The following MYOM2 variants were observed in gnomAD, a reference collection of about 807,000 sequenced individuals.
MYOM2 encodes myomesin-2.
In MYOM2, 254 loss-of-function variants were observed where a neutral mutation model predicts 187.6. The observed-to-expected ratio is 1.35, with a 90% CI of 1.22 to 1.50. The LOEUF (loss-of-function observed/expected upper bound fraction) is 1.50, where lower values mean the gene tolerates loss of function less well. MYOM2 is among the 40% of genes most tolerant of loss of function. The probability of loss-of-function intolerance (pLI) is 0.00; values close to 1 mark genes in which losing one functional copy is unlikely to be tolerated. For synonymous variants in MYOM2, 981 were observed against 753.8 expected, an observed-to-expected ratio of 1.30 and a Z score of -4.94; for missense variants, 2,796 against 1,924.0, an observed-to-expected ratio of 1.45 and a Z score of -8.48.
At chr8:2,059,275 G>A (rs1427628916) in intron 6 of MYOM2, 30 bp downstream of exon 6, 2 of 1,581,686 alleles carry the variant, frequency 1.3e-6, no homozygotes, top group Non-Finnish European at 1.7e-6. Context: ...TCTGGACGCT[G>A]GCGTCCAGTA....
At chr8:2,061,191 G>C (rs201732439) in intron 6 of MYOM2, among the ~76,000 whole-genome samples, 9 of 151,570 alleles carry the variant, frequency 5.9e-5, no homozygotes, top group African/African-American at 2.4e-5. Context: ...TGAGGGAGGG[G>C]GTCTCTGTCC....
chr8:2,130,202 C>T (rs375657262), intron 32 of MYOM2, among the ~76,000 whole-genome samples: 8,746 of 138,998 alleles, frequency 0.063, 859 homozygotes, highest in East Asian at 0.13. Context: ...CACACCCCGC[C>T]TTTAGTTAAC....
At chr8:2,087,639 C>G (rs373215352) in intron 14 of MYOM2, among the ~76,000 whole-genome samples, 9 of 152,228 alleles carry the variant, frequency 5.9e-5, no homozygotes, top group African/African-American at 2.2e-4. Flanking sequence ...GAGACCAGGT[C>G]TCATTTTGTC....
chr8:2,066,456 G>C (rs1585841794), intron 6 of MYOM2, among the ~76,000 whole-genome samples: 5 of 152,258 alleles, frequency 3.3e-5, no homozygotes, highest in African/African-American at 1.2e-4. Flanking sequence ...AGTGGGGGTG[G>C]GATCGTTGTA....
rs937916317 is a variant in MYOM2 at position 2,123,667 on chromosome 8, G to A, written c.3655+25G>A. On this transcript the variant is annotated intron_variant, in intron 30 of 36. Coordinates refer to ENST00000262113, the MANE Select transcript of MYOM2 (RefSeq NM_003970.4). ...GGTAAAAGAAAACCTCCTTTGTTCT[G>A]TGAACAAGAAATTCCTTTCACCAAC... 7 of 1,596,482 alleles carry A rather than the reference G, an allele frequency of 4.4e-6. No homozygotes were observed. The African/African-American group carries it at 9.4e-5, about 21-fold the overall frequency.
chr8:2,090,087 T>G lies in MYOM2; in HGVS notation c.1724T>G (p.Leu575Arg). The G allele has an allele frequency of 6.2e-7, 1 of 1,613,962 alleles. No homozygotes were observed. The highest frequency in any genetic ancestry group is 1.1e-5 in the South Asian group (1 of 91,064). Residue 575 changes from leucine (L) to arginine (R), a missense_variant, in exon 15 of 37, where the codon CTC (leucine) becomes CGC (arginine). Coordinates refer to ENST00000262113, the MANE Select transcript of MYOM2 (RefSeq NM_003970.4). ...TCCCCGAGATATGCCGTGTTTGACCTCATGGAAGGGAAGTCTTATGTGTTC... is the reference window on the plus strand; with the variant it reads ...TCCCCGAGATATGCCGTGTTTGACCGCATGGAAGGGAAGTCTTATGTGTTC... ...VRSPRYAVFD[L>R]MEGKSYVFRV...
intron 15 of MYOM2, among the ~76,000 whole-genome samples, 160 bp from the exon 16 acceptor site, chr8:2,092,186 G>T (rs570532424): frequency 2.6e-5 from 4 of 151,838 alleles, no homozygotes; most frequent in Non-Finnish European, 5.9e-5. Context: ...TCGGGTGGTC[G>T]GCCCGGGGCT....
chr8:2,122,994 ATGGACT>A (rs1489295550), intron 28 of MYOM2, among the ~76,000 whole-genome samples: 1 of 152,158 alleles, frequency 6.6e-6, no homozygotes, highest in Non-Finnish European at 1.5e-5. Context: ...GTCTAATTTC[ATGGACT>A]AGAATGACGA....
intron 13 of MYOM2, among the ~76,000 whole-genome samples, chr8:2,084,688 C>A (rs1212970791): frequency 6.6e-6 from 1 of 152,194 alleles, no homozygotes; most frequent in Admixed American, 6.5e-5. Flanking sequence ...AAAGGCTTAT[C>A]AACATCACTC....
intron 14 of MYOM2, among the ~76,000 whole-genome samples, chr8:2,088,104 T>C (rs1796159466): frequency 1.3e-5 from 2 of 152,126 alleles, no homozygotes; most frequent in East Asian, 1.9e-4. Flanking sequence ...TTTGGTTACA[T>C]GAGTAAGCTC....
At chr8:2,076,061 T>A in intron 10 of MYOM2, 80 bp from the exon 11 acceptor site, 1 of 1,379,372 alleles carries the variant, frequency 7.2e-7, no homozygotes. Context: ...GAATTGGAGC[T>A]TGGAGGAGCT....
chr8:2,094,300 A>G (rs1259306117), intron 17 of MYOM2, among the ~76,000 whole-genome samples: 1 of 152,102 alleles, frequency 6.6e-6, no homozygotes, highest in Non-Finnish European at 1.5e-5. Flanking sequence ...TAATACACTA[A>G]TAAAACGCAA....
rs755510511 is a variant in MYOM2 at position 2,106,334 on chromosome 8, T to C, written c.2827T>C (p.Trp943Arg). 7.4e-6 allele frequency: 12 copies of C among 1,614,078 alleles called. No homozygotes were observed. The change falls in exon 22 of 37, where the codon TGG (tryptophan) becomes CGG (arginine). Residue 943 changes from tryptophan to arginine, a missense_variant. Transcript: ENST00000262113. ...AATGACAGACGCGTCTCAGTTCACC[T>C]GGTGTAAATCCTACGAGGAGATTTC... ...QEMTDASQFTWCKSYEEISDD... is the reference protein window; with the variant it reads ...QEMTDASQFTRCKSYEEISDD...
chr8:2,133,800 C>A (rs1797958792), intron 32 of MYOM2, among the ~76,000 whole-genome samples: 1 of 152,192 alleles, frequency 6.6e-6, no homozygotes, highest in Admixed American at 6.5e-5. Context: ...TAGATTTTTA[C>A]ACTTGTGTTA....
At chr8:2,072,646 G>A (rs965307592) in intron 9 of MYOM2, 137 bp downstream of exon 9, 8 of 1,110,000 alleles carry the variant, frequency 7.2e-6, no homozygotes, top group Non-Finnish European at 1.0e-5. Flanking sequence ...CTGAGGGACT[G>A]TAGAGGACTT....
At chr8:2,046,781 G>C (rs570420997) in intron 1 of MYOM2, among the ~76,000 whole-genome samples, 5 of 150,904 alleles carry the variant, frequency 3.3e-5, no homozygotes, top group African/African-American at 9.7e-5. Context: ...GTGTGTGTAG[G>C]GGGTATTTAA....
At chr8:2,111,691 G>A (rs551953570) in intron 25 of MYOM2, among the ~76,000 whole-genome samples, 82 of 152,308 alleles carry the variant, frequency 5.4e-4, no homozygotes, top group African/African-American at 1.9e-3. Flanking sequence ...CTCCAAGAGC[G>A]ACGTCAGTCT....
intron 15 of MYOM2, among the ~76,000 whole-genome samples, 164 bp from the exon 16 acceptor site, chr8:2,092,182 G>A (rs1272665707): frequency 6.6e-6 from 1 of 152,012 alleles, no homozygotes; most frequent in Non-Finnish European, 1.5e-5. Flanking sequence ...GCCCTCGGGT[G>A]GTCGGCCCGG....
At chr8:2,062,374 G>T (rs1401476737) in intron 6 of MYOM2, among the ~76,000 whole-genome samples, 1 of 152,168 alleles carries the variant, frequency 6.6e-6, no homozygotes, top group Non-Finnish European at 1.5e-5. Context: ...ATCCGGGAAG[G>T]AACACAGGCC....
Sources: allele counts gnomAD v4.1 joint callset (sites outside exome capture counted in the v4.1 genomes callset), GRCh38; gene constraint gnomAD v4.1.1; transcripts MANE v1.5; gene names NCBI Gene and HGNC (gene_info 2026-07-23, HGNC 2026-07-21).